Variants in SUCLG2 observed in about 807,000 individuals in gnomAD.
SUCLG2 encodes the protein succinate--CoA ligase [GDP-forming] subunit beta, mitochondrial.
A neutral mutation model predicts 47.9 loss-of-function variants in SUCLG2; 42 were observed. The observed-to-expected ratio is 0.88, with a 90% CI of 0.69 to 1.14. The LOEUF is 1.14. Ranked by LOEUF, SUCLG2 falls within the 50% of genes most tolerant of loss-of-function variation. SUCLG2 has a pLI of 0.00. For synonymous variants in SUCLG2, 195 were observed against 197.3 expected (o/e 0.99, Z 0.10); for missense variants, 571 against 525.9 (o/e 1.09, Z -0.84).
chr3:67,394,553 A>G (rs1457726364), intron 10 of SUCLG2, among the ~76,000 whole-genome samples: 8 of 151,820 alleles, frequency 5.3e-5, no homozygotes, highest in African/African-American at 1.7e-4. Flanking sequence ...TCATTGGTGT[A>G]CCTGAAAGTG....
chr3:67,454,089 C>A (rs907078870), intron 9 of SUCLG2, among the ~76,000 whole-genome samples: 1 of 152,156 alleles, frequency 6.6e-6, no homozygotes, highest in South Asian at 2.1e-4. Context: ...TTAAAATATT[C>A]TTAGGCCTAA....
intron 9 of SUCLG2, among the ~76,000 whole-genome samples, chr3:67,470,712 G>A (rs1229242973): frequency 6.6e-6 from 1 of 152,174 alleles, no homozygotes; most frequent in Non-Finnish European, 1.5e-5. Flanking sequence ...CATGCTCCTG[G>A]ACCTCCCAGC....
chr3:67,375,648 T>G lies in SUCLG2; in HGVS notation c.*96A>C, dbSNP rs1575654817. ...GATTCTTGCCTTCCCCCTCCCCTTT[T>G]CTTCCCCAATGAGATAACCATTTCT... On this transcript the variant is annotated 3_prime_UTR_variant, in exon 11 of 11. Transcript: ENST00000307227. 45 of 1,458,974 alleles carry G rather than the reference T, an allele frequency of 3.1e-5. No individual in the cohort carries two copies. The South Asian group carries it at 6.8e-4, about 22-fold the overall frequency. 90.4% of individuals were successfully genotyped at this position (1,458,974 alleles called of 1,614,324 possible). A position where few individuals can be genotyped will look rare whatever the true frequency, so the allele number is the denominator to read the frequency against.
chr3:67,631,604 G>T (rs1419879504), intron 1 of SUCLG2, among the ~76,000 whole-genome samples: 1 of 152,110 alleles, frequency 6.6e-6, no homozygotes, highest in African/African-American at 2.4e-5. Context: ...TCCAGCCTAG[G>T]CAACAGAGTG....
chr3:67,400,051 T>C (rs1329208844), intron 10 of SUCLG2, among the ~76,000 whole-genome samples: 3 of 151,992 alleles, frequency 2.0e-5, no homozygotes, highest in Non-Finnish European at 4.4e-5. Context: ...CGGACAAAAC[T>C]ACTCCCATTT....
At chr3:67,602,420 G>C (rs1328706691) in intron 2 of SUCLG2, among the ~76,000 whole-genome samples, 1 of 152,108 alleles carries the variant, frequency 6.6e-6, no homozygotes, top group Non-Finnish European at 1.5e-5. Flanking sequence ...AACCCGCCTT[G>C]ATCTCGCCCT....
intron 9 of SUCLG2, among the ~76,000 whole-genome samples, chr3:67,442,522 C>T (rs888090078): frequency 4.6e-5 from 7 of 152,160 alleles, no homozygotes; most frequent in African/African-American, 1.7e-4. Context: ...GCACACTGCT[C>T]TAGATTTAAG....
At position 67,362,266 on chromosome 3, in the gene SUCLG2, T is replaced by C. The variant is rs73834596; in HGVS notation, c.1184-1498A>G. 4.3e-3 allele frequency among the ~76,000 whole-genome samples: 652 copies of C among 152,260 alleles called. 5 individuals carry two copies. Among genetic ancestry groups the C allele is most frequent in the African/African-American group, 0.015 (631 of 41,542 alleles). On this transcript the variant is annotated intron_variant, in intron 10 of 10. Coordinates refer to the SUCLG2 transcript ENST00000493112. ...TACCCCAGGACAGGATCCTTGCACATGCTGTTCTCCCTCTGCCTGGAGCTG... is the reference window on the plus strand; with the variant it reads ...TACCCCAGGACAGGATCCTTGCACACGCTGTTCTCCCTCTGCCTGGAGCTG...
intron 2 of SUCLG2, among the ~76,000 whole-genome samples, chr3:67,559,506 T>C (rs1707251347): frequency 6.6e-6 from 1 of 152,088 alleles, no homozygotes; most frequent in Admixed American, 6.5e-5. Context: ...CTCACCATCA[T>C]GAGAACAGCA....
chr3:67,601,076 A>T (rs957420365), intron 2 of SUCLG2, among the ~76,000 whole-genome samples: 3 of 152,218 alleles, frequency 2.0e-5, no homozygotes, highest in African/African-American at 7.2e-5. Flanking sequence ...AATATTTTGG[A>T]AAAAAATTTA....
chr3:67,472,261 T>G (rs193160794), intron 9 of SUCLG2, among the ~76,000 whole-genome samples: 1 of 152,208 alleles, frequency 6.6e-6, no homozygotes, highest in Non-Finnish European at 1.5e-5. Flanking sequence ...GTCCATATTT[T>G]ACTACTGACT....
intron 9 of SUCLG2, among the ~76,000 whole-genome samples, chr3:67,446,992 TAAC>T (rs1559530041): frequency 6.6e-6 from 1 of 152,168 alleles, no homozygotes; most frequent in African/African-American, 2.4e-5. Context: ...CAAAAAAGGT[TAAC>T]ATTAGTTTTT....
In SUCLG2 at chr3:67,647,442, C is replaced by A. The variant is rs557424272; in HGVS notation, c.84+7061G>T. On this transcript the variant is annotated intron_variant, in intron 1 of 10. Coordinates refer to ENST00000307227, the MANE Select transcript of SUCLG2 (RefSeq NM_003848.4). Reference sequence around the variant, plus strand: ...GAAACTCCATCCTCCAACACCATCCCCCAAAGCCCACTCTGCAAAGGCAAT... The same window carrying A: ...GAAACTCCATCCTCCAACACCATCCACCAAAGCCCACTCTGCAAAGGCAAT... 9.3e-4 allele frequency among the ~76,000 whole-genome samples: 141 copies of A among 152,316 alleles called. 1 individual carries two copies. Among genetic ancestry groups the A allele is most frequent in the Middle Eastern group, 6.8e-3 (2 of 294 alleles).
intron 1 of SUCLG2, among the ~76,000 whole-genome samples, chr3:67,623,861 G>A (rs985131886): frequency 6.6e-6 from 1 of 152,176 alleles, no homozygotes; most frequent in African/African-American, 2.4e-5. Flanking sequence ...AAGGTGCTTT[G>A]TAAACCCTAA....
At chr3:67,641,668 G>C (rs1701102645) in intron 1 of SUCLG2, among the ~76,000 whole-genome samples, 1 of 152,186 alleles carries the variant, frequency 6.6e-6, no homozygotes, top group Non-Finnish European at 1.5e-5. Context: ...ATTGATGTGT[G>C]TATTAGTATC....
At chr3:67,616,871 G>A (rs774793756) in intron 1 of SUCLG2, among the ~76,000 whole-genome samples, 5 of 152,194 alleles carry the variant, frequency 3.3e-5, no homozygotes, top group Non-Finnish European at 5.9e-5. Context: ...GCTCTCAACA[G>A]CAGTGACGAC....
chr3:67,543,398 G>C (rs1706770072), intron 2 of SUCLG2, among the ~76,000 whole-genome samples: 1 of 152,164 alleles, frequency 6.6e-6, no homozygotes, highest in Non-Finnish European at 1.5e-5. Context: ...AAGCCACTTT[G>C]TGAGGCCGAG....
chr3:67,618,580 A>C (rs192234552), intron 1 of SUCLG2, among the ~76,000 whole-genome samples: 254 of 152,320 alleles, frequency 1.7e-3, no homozygotes, highest in Non-Finnish European at 3.0e-3. Context: ...ATTTGAATCC[A>C]GGTCCCCCTG....
In SUCLG2 at chr3:67,625,184, T is replaced by C. The variant is rs554803118; in HGVS notation, c.85-15588A>G. Among the ~76,000 whole-genome samples the C allele has an allele frequency of 2.6e-4, 40 of 152,310 alleles. 1 individual carries two copies. The highest frequency in any genetic ancestry group is 8.9e-4 in the African/African-American group (37 of 41,572). On this transcript the variant is annotated intron_variant, in intron 1 of 10. Transcript: ENST00000307227. ...AGGCAGAAAGGATCAAAGTATGCTG[T>C]AATGTCAAGATGACAGTTCTGGGAG... is the stretch of plus-strand genomic sequence containing the variant.
Sources: gnomAD v4.1 joint callset for allele counts (sites outside exome capture counted in the v4.1 genomes callset) on GRCh38, gnomAD v4.1.1 for gene constraint, MANE v1.5 for transcripts, NCBI Gene and HGNC (gene_info 2026-07-23, HGNC 2026-07-21) for gene names.